Variants in CNTN5 observed in about 807,000 individuals in gnomAD.
CNTN5 encodes the protein contactin-5.
In CNTN5, 77 loss-of-function variants were observed where a neutral mutation model predicts 129.1. The observed-to-expected ratio is 0.60, with a 90% CI of 0.50 to 0.72. CNTN5 has a LOEUF of 0.72. CNTN5 is among the 30% of genes least tolerant of loss of function. The pLI, the probability that CNTN5 is intolerant of heterozygous loss-of-function variation, is 0.00. For missense variants in CNTN5, 1,478 were observed against 1,328.8 expected (o/e 1.11, Z -1.75); for synonymous variants, 509 against 465.6 (o/e 1.09, Z -1.20).
At chr11:99,255,440 A>AT (rs1247238826) in intron 1 of CNTN5, among the ~76,000 whole-genome samples, 1 of 151,538 alleles carries the variant, frequency 6.6e-6, no homozygotes, top group African/African-American at 2.4e-5. Context: ...TACCAACGTA[A>AT]ATTCTGTTTA....
At chr11:99,827,496 A>AC (rs1373382373) in intron 4 of CNTN5, among the ~76,000 whole-genome samples, 1 of 152,184 alleles carries the variant, frequency 6.6e-6, no homozygotes, top group African/African-American at 2.4e-5. Flanking sequence ...TAGAATTCCA[A>AC]CCATGTGGGA....
intron 1 of CNTN5, among the ~76,000 whole-genome samples, chr11:99,238,675 A>T (rs1861395964): frequency 6.6e-6 from 1 of 152,110 alleles, no homozygotes; most frequent in Non-Finnish European, 1.5e-5. Flanking sequence ...TTTTGTCAAA[A>T]TTTTCACTAA....
intron 7 of CNTN5, among the ~76,000 whole-genome samples, chr11:99,949,170 G>C (rs915445556): frequency 2.0e-5 from 3 of 152,178 alleles, no homozygotes; most frequent in African/African-American, 7.2e-5. Flanking sequence ...AATCATATCT[G>C]AGAGTCCTCT....
intron 20 of CNTN5, among the ~76,000 whole-genome samples, chr11:100,300,454 C>T (rs187226425): frequency 2.0e-4 from 31 of 151,576 alleles, no homozygotes; most frequent in Admixed American, 6.6e-4. Context: ...TTTCCCCATA[C>T]CAATAAGTGT....
intron 9 of CNTN5, 146 bp downstream of exon 9, chr11:100,002,282 T>G (rs1591552557): frequency 3.8e-6 from 2 of 528,308 alleles, no homozygotes; most frequent in South Asian, 3.0e-5. Flanking sequence ...CAAATGGCAA[T>G]TGATGAAGTA....
chr11:99,268,902 G>A (rs890241462), intron 1 of CNTN5, among the ~76,000 whole-genome samples: 1 of 151,964 alleles, frequency 6.6e-6, no homozygotes, highest in Non-Finnish European at 1.5e-5. Flanking sequence ...GCTGTGAAAG[G>A]ATAGTAATCT....
intron 18 of CNTN5, among the ~76,000 whole-genome samples, chr11:100,277,132 T>A (rs1478138494): frequency 6.6e-6 from 1 of 152,188 alleles, no homozygotes; most frequent in Admixed American, 6.5e-5. Context: ...GATCCATCCA[T>A]GTTGTTGCAA....
intron 2 of CNTN5, among the ~76,000 whole-genome samples, chr11:99,373,385 T>C (rs1201549334): frequency 6.6e-6 from 1 of 152,010 alleles, no homozygotes; most frequent in East Asian, 1.9e-4. Context: ...CCATATCCTA[T>C]GCTCCATCTT....
At chr11:99,131,690 A>T (rs1858946578) in intron 1 of CNTN5, among the ~76,000 whole-genome samples, 3 of 152,282 alleles carry the variant, frequency 2.0e-5, no homozygotes, top group African/African-American at 7.2e-5. Flanking sequence ...CCCTCCCAAG[A>T]CTGAAGCACA....
rs142309889 is a variant in CNTN5, at chr11:99,225,291, C to T, written c.-209-100055C>T. On this transcript the variant is annotated intron_variant, in intron 1 of 24. Coordinates refer to ENST00000524871, the MANE Select transcript of CNTN5 (RefSeq NM_014361.4). ...ATGTGAAGCCTATAGCAACAGGGCG[C>T]TATAGGCCTGCGAGAGAAGAGTGAA... 3.4e-3 allele frequency among the ~76,000 whole-genome samples: 515 copies of T among 152,136 alleles called. 2 individuals carry two copies. Among genetic ancestry groups the T allele is most frequent in the African/African-American group, 0.012 (495 of 41,508 alleles).
chr11:99,929,573 A>G (rs551112352), intron 7 of CNTN5, among the ~76,000 whole-genome samples: 108 of 152,296 alleles, frequency 7.1e-4, no homozygotes, highest in African/African-American at 2.6e-3. Flanking sequence ...GGAAGGAAAC[A>G]TGTCCTTCTT....
At chr11:99,096,508 T>A (rs932493189) in intron 1 of CNTN5, among the ~76,000 whole-genome samples, 2 of 151,868 alleles carry the variant, frequency 1.3e-5, no homozygotes, top group Non-Finnish European at 3.0e-5. Context: ...TGTCTATGAT[T>A]GCATAGATTT....
chr11:100,119,407 T>TTAC (rs552459757), intron 13 of CNTN5, among the ~76,000 whole-genome samples: 263 of 152,006 alleles, frequency 1.7e-3, no homozygotes, highest in African/African-American at 6.0e-3. Context: ...TACATGTAAA[T>TTAC]TACTACTTGG....
At chr11:99,757,505 G>A (rs920042545) in intron 3 of CNTN5, among the ~76,000 whole-genome samples, 3 of 149,440 alleles carry the variant, frequency 2.0e-5, no homozygotes, top group African/African-American at 7.4e-5. Flanking sequence ...TCTTCACATG[G>A]AGCTGTGTGG....
intron 3 of CNTN5, among the ~76,000 whole-genome samples, chr11:99,763,200 A>C (rs1256650962): frequency 6.6e-6 from 1 of 152,244 alleles, no homozygotes; most frequent in South Asian, 2.1e-4. Flanking sequence ...AATGTGTATC[A>C]GTTTTTCACT....
chr11:99,258,334 C>T (rs2135814959), intron 1 of CNTN5, among the ~76,000 whole-genome samples: 1 of 151,966 alleles, frequency 6.6e-6, no homozygotes, highest in East Asian at 1.9e-4. Context: ...GTTTGCTGCT[C>T]CCTTCTCTGT....
At chr11:99,820,879 A>G (rs1946780357) in intron 4 of CNTN5, among the ~76,000 whole-genome samples, 1 of 152,246 alleles carries the variant, frequency 6.6e-6, no homozygotes, top group Admixed American at 6.5e-5. Context: ...AAGATATTGG[A>G]AAGATTCTGG....
At chr11:99,547,118 C>T (rs535770705) in intron 2 of CNTN5, among the ~76,000 whole-genome samples, 14 of 151,864 alleles carry the variant, frequency 9.2e-5, no homozygotes, top group African/African-American at 3.4e-4. Context: ...ATTCTCCTGC[C>T]TCAGCCTCCC....
Position 99,421,339 on chromosome 11 carries a change from C to T in CNTN5, c.-71+95855C>T, listed in dbSNP as rs1942880460. 2.0e-5 allele frequency among the ~76,000 whole-genome samples: 3 copies of T among 152,016 alleles called. No homozygotes were observed. In the South Asian group the frequency reaches 6.2e-4, roughly 32 times the overall value. On this transcript the variant is annotated intron_variant, in intron 2 of 24. Transcript: ENST00000524871. ...AAGAATTTTGACAATAATTCAATGA[C>T]CAGTGCTCTAATTTCACTCTAAAGA... is the stretch of plus-strand genomic sequence containing the variant.
Sources: allele counts gnomAD v4.1 joint callset (sites outside exome capture counted in the v4.1 genomes callset), GRCh38; gene constraint gnomAD v4.1.1; transcripts MANE v1.5; gene names NCBI Gene and HGNC (gene_info 2026-07-23, HGNC 2026-07-21).